Variants in CDH13 observed in about 807,000 individuals in gnomAD.
CDH13 encodes the protein cadherin 13, also known as cadherin-13.
In CDH13, 24 loss-of-function variants were observed where a neutral mutation model predicts 63.8. The ratio of observed to expected loss-of-function variants is 0.38; its 90% CI spans 0.27 to 0.53. CDH13 has a LOEUF of 0.53. CDH13 is among the 20% of genes least tolerant of loss of function. The probability of loss-of-function intolerance (pLI) is 0.85; values close to 1 mark genes in which losing one functional copy is unlikely to be tolerated. For missense variants in CDH13, 1,049 were observed against 903.1 expected (o/e 1.16, Z -2.07); for synonymous variants, 503 against 355.3 (o/e 1.42, Z -4.67).
At chr16:83,119,201 A>G (rs532847873) in intron 3 of CDH13, among the ~76,000 whole-genome samples, 1 of 152,116 alleles carries the variant, frequency 6.6e-6, no homozygotes, top group African/African-American at 2.4e-5. Flanking sequence ...TTTTTCTGCT[A>G]CGCTGACTAA....
At chr16:83,490,662 C>G (rs550111304) in intron 7 of CDH13, among the ~76,000 whole-genome samples, 1 of 152,262 alleles carries the variant, frequency 6.6e-6, no homozygotes, top group South Asian at 2.1e-4. Flanking sequence ...TTGCCAGTAC[C>G]TAGCACATGA....
intron 1 of CDH13, among the ~76,000 whole-genome samples, chr16:82,747,194 G>GA (rs2034213988): frequency 1.3e-5 from 2 of 152,138 alleles, no homozygotes; most frequent in African/African-American, 4.8e-5. Context: ...TTATGATGGA[G>GA]AAAAAACTGT....
chr16:82,691,066 C>T (rs758552099), intron 1 of CDH13, among the ~76,000 whole-genome samples: 7 of 152,218 alleles, frequency 4.6e-5, no homozygotes, highest in Admixed American at 1.3e-4. Context: ...TTCATTTACA[C>T]ATTCAGCAAA....
intron 7 of CDH13, among the ~76,000 whole-genome samples, chr16:83,497,919 A>G (rs577565754): frequency 9.2e-5 from 14 of 152,346 alleles, no homozygotes; most frequent in African/African-American, 3.4e-4. Context: ...AGGGACAGAA[A>G]CTAATCATGG....
At chr16:83,123,348 C>T (rs1027627014) in intron 3 of CDH13, among the ~76,000 whole-genome samples, 2 of 151,900 alleles carry the variant, frequency 1.3e-5, no homozygotes, top group African/African-American at 4.8e-5. Flanking sequence ...GGCGCGATCT[C>T]GGCTCACTGC....
intron 1 of CDH13, among the ~76,000 whole-genome samples, chr16:82,794,957 A>G (rs1427516359): frequency 6.6e-6 from 1 of 152,218 alleles, no homozygotes; most frequent in African/African-American, 2.4e-5. Flanking sequence ...GAAAACCATT[A>G]TGCTGCATCC....
chr16:83,186,079 C>CA (rs1567488360), intron 4 of CDH13, among the ~76,000 whole-genome samples: 5 of 135,074 alleles, frequency 3.7e-5, no homozygotes, highest in East Asian at 5.0e-4. Context: ...TTAAAGGCAT[C>CA]TTTTTATTTT....
chr16:83,572,177 TGTG>T (rs1567774937), intron 7 of CDH13, among the ~76,000 whole-genome samples: 26 of 61,642 alleles, frequency 4.2e-4, no homozygotes, highest in African/African-American at 1.5e-3. Flanking sequence ...TTTCCTGTGG[TGTG>T]TGTGTGTGTG....
intron 3 of CDH13, among the ~76,000 whole-genome samples, chr16:83,119,976 C>G (rs1466980926): frequency 6.6e-6 from 1 of 152,224 alleles, no homozygotes; most frequent in South Asian, 2.1e-4. Context: ...TAAATATTCA[C>G]TGAAGTTTCT....
chr16:82,746,236 A>T (rs957653965), intron 1 of CDH13, among the ~76,000 whole-genome samples: 2 of 151,120 alleles, frequency 1.3e-5, no homozygotes, highest in African/African-American at 4.8e-5. Context: ...GTGTTTATAT[A>T]TAAACACACT....
intron 1 of CDH13, among the ~76,000 whole-genome samples, chr16:82,629,779 C>T (rs1422863486): frequency 1.3e-5 from 2 of 152,172 alleles, no homozygotes; most frequent in Non-Finnish European, 2.9e-5. Context: ...TCTCCTATCC[C>T]CTGGGGTGTT....
chr16:82,721,515 G>C (rs2032768379), intron 1 of CDH13, among the ~76,000 whole-genome samples: 1 of 152,274 alleles, frequency 6.6e-6, no homozygotes, highest in Non-Finnish European at 1.5e-5. Flanking sequence ...TGAGGCTAGA[G>C]TGGAACACTG....
intron 6 of CDH13, among the ~76,000 whole-genome samples, chr16:83,404,176 G>A (rs1597941304): frequency 1.3e-5 from 2 of 152,322 alleles, no homozygotes; most frequent in African/African-American, 4.8e-5. Flanking sequence ...TACAAAATGA[G>A]ATAATCCTTT....
chr16:82,940,927 A>G (rs993064808), intron 2 of CDH13, among the ~76,000 whole-genome samples: 2 of 152,174 alleles, frequency 1.3e-5, no homozygotes, highest in Admixed American at 6.5e-5. Context: ...TTATTTTGCA[A>G]ATGTGTTTGA....
At chr16:83,650,771 C>CA (rs1244450339) in intron 8 of CDH13, among the ~76,000 whole-genome samples, 1 of 152,122 alleles carries the variant, frequency 6.6e-6, no homozygotes, top group Non-Finnish European at 1.5e-5. Flanking sequence ...GATTAGATTA[C>CA]AATTCGAAAA....
At chr16:83,570,678 T>C (rs534551506) in intron 7 of CDH13, among the ~76,000 whole-genome samples, 5 of 146,236 alleles carry the variant, frequency 3.4e-5, no homozygotes, top group Non-Finnish European at 4.5e-5. Flanking sequence ...CTTTTATATA[T>C]ATAAAAAAAA....
chr16:83,773,674 C>T (rs1433875696), intron 11 of CDH13, among the ~76,000 whole-genome samples: 1 of 152,138 alleles, frequency 6.6e-6, no homozygotes, highest in African/African-American at 2.4e-5. Flanking sequence ...TGAAAGAAGC[C>T]CATCTAAAGT....
chr16:82,648,239 C>T (rs3844413), intron 1 of CDH13, among the ~76,000 whole-genome samples: 33,802 of 152,092 alleles, frequency 0.22, 5,149 homozygotes, highest in African/African-American at 0.43. Context: ...GGAAGTAATA[C>T]ACATCTGAGA....
chr16:83,255,382 G>A (rs717840), intron 5 of CDH13, among the ~76,000 whole-genome samples: 36,521 of 152,020 alleles, frequency 0.24, 4,536 homozygotes, highest in East Asian at 0.37. Flanking sequence ...AATTAGGAAC[G>A]CCTGCAGAAA....
Sources: allele counts gnomAD v4.1 joint callset (sites outside exome capture counted in the v4.1 genomes callset), GRCh38; gene constraint gnomAD v4.1.1; transcripts MANE v1.5; gene names NCBI Gene and HGNC (gene_info 2026-07-23, HGNC 2026-07-21).